DPP6: variants seen among roughly 807,000 people sequenced by gnomAD.
DPP6 encodes A-type potassium channel modulatory protein DPP6.
DPP6 carries 69 observed loss-of-function variants against 122.6 expected under a neutral mutation model. The ratio of observed to expected loss-of-function variants is 0.56; its 90% confidence interval spans 0.46 to 0.69. The LOEUF (loss-of-function observed/expected upper bound fraction) is 0.69, where lower values mean the gene tolerates loss of function less well. DPP6 is among the 30% of genes least tolerant of loss of function. The pLI is 0.00. For synonymous variants in DPP6, 418 were observed against 433.1 expected (o/e 0.97, Z 0.43); for missense variants, 928 against 1,116.9 (o/e 0.83, Z 2.41).
At chr7:154,141,318 C>T (rs1795832779) in intron 1 of DPP6, among the ~76,000 whole-genome samples, 1 of 152,230 alleles carries the variant, frequency 6.6e-6, no homozygotes, top group Non-Finnish European at 1.5e-5. Flanking sequence ...ACACCATATG[C>T]ACCTTACGAC....
intron 1 of DPP6, among the ~76,000 whole-genome samples, chr7:154,216,621 G>T (rs147786841): frequency 2.0e-5 from 3 of 152,060 alleles, no homozygotes; most frequent in African/African-American, 7.2e-5. Flanking sequence ...CTTCTAAAAG[G>T]CTCCCTTTCA....
chr7:154,869,829 G>A (rs898605064), intron 18 of DPP6, among the ~76,000 whole-genome samples: 3 of 150,218 alleles, frequency 2.0e-5, no homozygotes, highest in Admixed American at 1.3e-4. Context: ...CTTCAGATCC[G>A]CTCCCGCCCC....
At chr7:154,808,183 G>A (rs940101848) in intron 16 of DPP6, among the ~76,000 whole-genome samples, 1 of 152,222 alleles carries the variant, frequency 6.6e-6, no homozygotes, top group African/African-American at 2.4e-5. Context: ...GCCATAGGTG[G>A]AGAATGAATA....
intron 1 of DPP6, among the ~76,000 whole-genome samples, chr7:154,331,404 G>A (rs1025737123): frequency 6.6e-6 from 1 of 152,216 alleles, no homozygotes. Context: ...ACTAATAGAC[G>A]GGGGGATAAC....
At chr7:153,794,372 A>G in the DPP6 span, among the ~76,000 whole-genome samples, 11 of 152,202 alleles carry the variant, frequency 7.2e-5, no homozygotes, top group Admixed American at 3.3e-4. Flanking sequence ...TTGGAGCCCT[A>G]AAATTTGACT....
chr7:154,889,471 C>T lies in DPP6; in HGVS notation c.2392C>T (p.Gln798Ter), dbSNP rs1806432361. Residue 798 changes from glutamine to a stop codon, truncating the protein, a stop_gained, in exon 25 of 26, where the codon CAG becomes TAG. Transcript: ENST00000377770. LOFTEE classifies it high-confidence loss of function. ...HPTADEKIHFQHTAELITQLI... is the reference protein window; with the variant it reads ...HPTADEKIHF ...TTTTTGCACAGAAAAAATTCATTTCCAGCACACAGCAGAACTCATTACACA... is the reference window on the plus strand; with the variant it reads ...TTTTTGCACAGAAAAAATTCATTTCTAGCACACAGCAGAACTCATTACACA... 1 of 1,592,810 alleles carries T rather than the reference C, an allele frequency of 6.3e-7. No individual in the cohort carries two copies. The highest frequency in any genetic ancestry group is 8.5e-7 in the Non-Finnish European group (1 of 1,171,934).
chr7:153,950,744 A>T (rs1390234964), intron 1 of DPP6, among the ~76,000 whole-genome samples: 1 of 152,200 alleles, frequency 6.6e-6, no homozygotes, highest in African/African-American at 2.4e-5. Context: ...AAGGAAAATA[A>T]GAAGGAGCAG....
intron 16 of DPP6, among the ~76,000 whole-genome samples, chr7:154,830,374 C>T (rs186760106): frequency 1.4e-3 from 215 of 152,222 alleles, no homozygotes; most frequent in African/African-American, 4.7e-3. Flanking sequence ...GACTGGGGGG[C>T]CATGCCGGGG....
In DPP6 at chr7:154,241,735, C is replaced by T. The variant is rs1178278804; in HGVS notation, c.243+188672C>T. Reference sequence around the variant, plus strand: ...TTTCCCGAAGCTAACACGTGTCTAACCTGTTTCCCATATTATGTTTTAAGT... The same window carrying T: ...TTTCCCGAAGCTAACACGTGTCTAATCTGTTTCCCATATTATGTTTTAAGT... On this transcript the variant is annotated intron_variant, in intron 1 of 25. Transcript: ENST00000377770. This position sits in a 1 kb window ranked among gnomAD's most constrained non-coding sequence, Gnocchi z 9.0. Among the ~76,000 whole-genome samples the T allele has an allele frequency of 2.6e-5, 4 of 152,118 alleles. No individual in the cohort carries two copies. The highest frequency in any genetic ancestry group is 4.4e-5 in the Non-Finnish European group (3 of 68,024).
intron 1 of DPP6, among the ~76,000 whole-genome samples, chr7:154,229,579 G>A (rs1014929326): frequency 6.6e-6 from 1 of 152,154 alleles, no homozygotes. Flanking sequence ...ACCACTGAGG[G>A]CTTCATCTTC....
chr7:154,113,587 T>A (rs1806764232), intron 1 of DPP6, among the ~76,000 whole-genome samples: 2 of 152,182 alleles, frequency 1.3e-5, no homozygotes. Flanking sequence ...CATGTTTTAG[T>A]TGAAGAAATG....
At chr7:154,300,752 T>C (rs866813929) in intron 1 of DPP6, among the ~76,000 whole-genome samples, 2 of 152,236 alleles carry the variant, frequency 1.3e-5, no homozygotes, top group Middle Eastern at 6.8e-3. Flanking sequence ...CTTGGAAGAG[T>C]TTCTTATCAG....
At chr7:154,239,160 C>T (rs775383038) in intron 1 of DPP6, among the ~76,000 whole-genome samples, 1 of 152,140 alleles carries the variant, frequency 6.6e-6, no homozygotes, top group Non-Finnish European at 1.5e-5. Flanking sequence ...TTCATGGTAC[C>T]GAGCTTCAGA....
At chr7:153,767,528 C>T in the DPP6 span, among the ~76,000 whole-genome samples, 54 of 95,654 alleles carry the variant, frequency 5.6e-4, no homozygotes, top group African/African-American at 1.2e-3. Flanking sequence ...CCATAACACC[C>T]GGTTAATTTT....
intron 1 of DPP6, among the ~76,000 whole-genome samples, chr7:154,414,121 A>G (rs561840017): frequency 4.6e-5 from 7 of 152,324 alleles, no homozygotes; most frequent in African/African-American, 1.7e-4. Context: ...CCAAAGGGCC[A>G]TTCTAAACTT....
chr7:154,807,085 A>G lies in DPP6; in HGVS notation c.1639A>G (p.Met547Val), dbSNP rs1303154096. 6 of 1,613,348 alleles carry G rather than the reference A, an allele frequency of 3.7e-6. No individual in the cohort carries two copies. The highest frequency in any genetic ancestry group is 4.2e-6 in the Non-Finnish European group (5 of 1,179,740). ...TYFSASFSHS[M>V]DFFLLKCEGP... ...CTTCAGCGCTTCCTTCAGCCATAGC[A>G]TGGACTTCTTCCTGCTCAAGTGCGA... Residue 547 changes from methionine to valine, a missense_variant, in exon 16 of 26, where the codon ATG (methionine) becomes GTG (valine). Met to Val is a conservative substitution (Grantham distance 21). Transcript: ENST00000377770.
rs1013922542 is a variant in DPP6, at chr7:154,754,133, G to T, written c.884-15284G>T. 2.0e-5 allele frequency among the ~76,000 whole-genome samples: 3 copies of T among 152,104 alleles called. 1 individual carries two copies. The highest frequency in any genetic ancestry group is 4.4e-5 in the Non-Finnish European group (3 of 68,024). On this transcript the variant is annotated intron_variant, in intron 8 of 25. Transcript: ENST00000377770. ...TTTGTTGAGATTAGGAAATATTTGT[G>T]CAGAATATCTCAGTCCGATTAAGGT...
At chr7:154,095,247 G>T (rs928817368) in intron 1 of DPP6, 1 of 148,142 alleles carries the variant, frequency 6.8e-6, no homozygotes. Flanking sequence ...TTAGGAACAG[G>T]GCACCTGCCT....
intron 5 of DPP6, among the ~76,000 whole-genome samples, chr7:154,628,170 C>G (rs986729883): frequency 3.9e-5 from 6 of 152,174 alleles, no homozygotes; most frequent in Non-Finnish European, 7.4e-5. Context: ...GGCTTCCATC[C>G]TTCTATTAAC....
Sources: allele counts gnomAD v4.1 joint callset (sites outside exome capture counted in the v4.1 genomes callset), GRCh38; gene constraint gnomAD v4.1.1; non-coding constraint Gnocchi (gnomAD v3.1); transcripts MANE v1.5; gene names NCBI Gene and HGNC (gene_info 2026-07-23, HGNC 2026-07-21).